Variants in CHL1 observed in about 807,000 individuals in gnomAD.
CHL1 encodes the protein cell adhesion molecule L1 like, also known as neural cell adhesion molecule L1-like protein.
A neutral mutation model predicts 141.9 loss-of-function variants in CHL1; 96 were observed. The ratio of observed to expected loss-of-function variants is 0.68; its 90% CI spans 0.57 to 0.80. The LOEUF is 0.80. CHL1 is among the 30% of genes least tolerant of loss of function. CHL1 has a pLI of 0.00. For missense variants in CHL1, 1,820 were observed against 1,457.2 expected, an observed-to-expected ratio of 1.25 and a Z score of -4.05; for synonymous variants, 613 against 502.2, an observed-to-expected ratio of 1.22 and a Z score of -2.95.
chr3:225,865 C>T (rs1701284441), intron 1 of CHL1, among the ~76,000 whole-genome samples: 1 of 151,828 alleles, frequency 6.6e-6, no homozygotes, highest in Admixed American at 6.6e-5. Context: ...AAAAATTAGC[C>T]AGGTGTGGTG....
intron 2 of CHL1, among the ~76,000 whole-genome samples, chr3:259,373 A>T (rs11920163): frequency 0.055 from 8,304 of 152,092 alleles, 726 homozygotes; most frequent in African/African-American, 0.19. Flanking sequence ...TAGGAATTGC[A>T]GAGAAATACG....
chr3:350,305 G>C (rs1203832440), intron 10 of CHL1, among the ~76,000 whole-genome samples: 1 of 152,140 alleles, frequency 6.6e-6, no homozygotes, highest in Non-Finnish European at 1.5e-5. Flanking sequence ...GTGACTGGCT[G>C]ATGTGAAGTT....
chr3:349,473 A>G lies in CHL1; in HGVS notation c.963A>G (p.Lys321=), dbSNP rs1375418670. 6.2e-7 allele frequency: 1 copy of G among 1,614,108 alleles called. No individual in the cohort carries two copies. The highest frequency in any genetic ancestry group is 8.5e-7 in the Non-Finnish European group (1 of 1,179,958). ...LKIENVSYQD[K]GNYRCTASNF... ...TAGAGAATGTCTCCTACCAGGACAAAGGAAATTATCGCTGCACAGCCAGCA... is the reference window on the plus strand; with the variant it reads ...TAGAGAATGTCTCCTACCAGGACAAGGGAAATTATCGCTGCACAGCCAGCA... Residue 321 remains lysine, a synonymous_variant, in exon 10 of 28, where the codon AAA becomes AAG. Coordinates refer to ENST00000256509, the MANE Select transcript of CHL1 (RefSeq NM_006614.4).
At position 377,302 on chromosome 3, in the gene CHL1, T is replaced by C. The variant is rs1239827344; in HGVS notation, c.1752-516T>C. ...TGCTTCAATTGCTATCTGATCTTAA[T>C]GTGCATTGTACTTGGGAGTGGAGGG... On this transcript the variant is annotated intron_variant, in intron 15 of 27. Coordinates refer to ENST00000256509, the MANE Select transcript of CHL1 (RefSeq NM_006614.4). Among the ~76,000 whole-genome samples, 5 of 152,228 alleles carry C rather than the reference T, an allele frequency of 3.3e-5. No homozygotes were observed. The East Asian group carries it at 7.7e-4, about 23-fold the overall frequency.
chr3:257,314 C>T (rs943397307), intron 2 of CHL1, among the ~76,000 whole-genome samples: 63 of 151,332 alleles, frequency 4.2e-4, no homozygotes, highest in African/African-American at 1.5e-3. Context: ...GATTTTATAA[C>T]TAATTTTTAA....
chr3:230,530 T>C (rs1203421622), intron 1 of CHL1, among the ~76,000 whole-genome samples: 1 of 151,988 alleles, frequency 6.6e-6, no homozygotes, highest in Non-Finnish European at 1.5e-5. Context: ...AGTGATTGGG[T>C]TACAATATTG....
chr3:399,245 T>A, intron 26 of CHL1, 97 bp downstream of exon 26: 1 of 954,354 alleles, frequency 1.0e-6, no homozygotes, highest in South Asian at 1.5e-5. Flanking sequence ...CACATTCAAG[T>A]CAAATTTATA....
intron 2 of CHL1, among the ~76,000 whole-genome samples, chr3:245,726 G>GA (rs1421422834): frequency 6.6e-6 from 1 of 152,132 alleles, no homozygotes; most frequent in African/African-American, 2.4e-5. Context: ...GAAAGAGATA[G>GA]AAAATCTTGG....
chr3:249,387 G>A (rs116510972), intron 2 of CHL1, among the ~76,000 whole-genome samples: 1 of 151,910 alleles, frequency 6.6e-6, no homozygotes, highest in East Asian at 1.9e-4. Flanking sequence ...CTAAAGGAGG[G>A]AAAAAAATCA....
intron 1 of CHL1, among the ~76,000 whole-genome samples, chr3:218,491 A>G (rs1457815527): frequency 6.6e-6 from 1 of 152,168 alleles, no homozygotes; most frequent in Admixed American, 6.5e-5. Context: ...CTCTTTTCCA[A>G]AGAAGGAATC....
In CHL1 at chr3:382,267, C is replaced by G. The variant is rs1238262990; in HGVS notation, c.1965C>G (p.Asn655Lys). The stretch of plus-strand genomic sequence containing the variant: ...CCTGGGAAGCTGGAGCTGACCACAA[C>G]AGCAATATTAGCGGTAGGAAGACTT... The part of the protein sequence containing the change: ...RLTWEAGADH[N>K]SNISEYIVEF... Residue 655 changes from asparagine (N) to lysine (K), a missense_variant, in exon 17 of 28, where the codon AAC (asparagine) becomes AAG (lysine). Asn to Lys is a moderately conservative substitution (Grantham distance 94). Transcript: ENST00000256509. 2 of 1,613,354 alleles carry G rather than the reference C, an allele frequency of 1.2e-6. No individual in the cohort carries two copies. Among genetic ancestry groups the G allele is most frequent in the Non-Finnish European group, 1.7e-6 (2 of 1,179,510 alleles).
chr3:388,017 G>C (rs1016382069), intron 19 of CHL1, among the ~76,000 whole-genome samples: 1 of 152,142 alleles, frequency 6.6e-6, no homozygotes, highest in Non-Finnish European at 1.5e-5. Context: ...AGAACACTAT[G>C]TATGACATTG....
intron 1 of CHL1, chr3:198,081 G>A (rs936504626): frequency 1.0e-5 from 3 of 292,912 alleles, no homozygotes; most frequent in African/African-American, 4.5e-5. Context: ...AGCAGCAGCC[G>A]CGCGGGCCCA....
intron 1 of CHL1, among the ~76,000 whole-genome samples, chr3:217,170 G>C (rs903077559): frequency 4.6e-5 from 7 of 151,872 alleles, no homozygotes; most frequent in Non-Finnish European, 1.0e-4. Context: ...GCTGAAAAAA[G>C]AACAATAACA....
chr3:299,737 T>G (rs1559219357), intron 2 of CHL1, among the ~76,000 whole-genome samples: 1 of 152,152 alleles, frequency 6.6e-6, no homozygotes, highest in African/African-American at 2.4e-5. Context: ...AGCTTGCACA[T>G]TGTTCTCACC....
chr3:324,605 CTTTATTTATTTATTTAT>C (rs1471340288), intron 3 of CHL1, among the ~76,000 whole-genome samples: 3 of 146,020 alleles, frequency 2.1e-5, no homozygotes, highest in African/African-American at 7.5e-5. Flanking sequence ...TCACTTCCTA[CTTTATTTATTTATTTAT>C]TTATTTATTT....
chr3:349,276 A>T (rs1024243178), intron 9 of CHL1, 83 bp from the exon 10 acceptor site: 2 of 1,210,880 alleles, frequency 1.7e-6, no homozygotes, highest in Non-Finnish European at 2.3e-6. Flanking sequence ...AAGCACCCTG[A>T]TAAAGGATGT....
chr3:207,574 T>C lies in CHL1; in HGVS notation c.-175+10511T>C, dbSNP rs146391745. On this transcript the variant is annotated intron_variant, in intron 1 of 27. Coordinates refer to ENST00000256509, the MANE Select transcript of CHL1 (RefSeq NM_006614.4). Reference sequence around the variant, plus strand: ...AACACTGCCCACAAGGGTAAACATATAGGCAATAACAATTTTAACATCTAT... The same window carrying C: ...AACACTGCCCACAAGGGTAAACATACAGGCAATAACAATTTTAACATCTAT... Among the ~76,000 whole-genome samples the C allele has an allele frequency of 1.8e-4, 27 of 152,284 alleles. No individual in the cohort carries two copies. The East Asian group carries it at 4.4e-3, about 25-fold the overall frequency.
intron 1 of CHL1, among the ~76,000 whole-genome samples, chr3:203,784 A>T (rs1035918722): frequency 1.3e-5 from 2 of 152,212 alleles, no homozygotes; most frequent in Non-Finnish European, 2.9e-5. Flanking sequence ...TCAGCAAGGC[A>T]GTAAGACGGC....
Sources: gnomAD v4.1 joint callset for allele counts (sites outside exome capture counted in the v4.1 genomes callset) on GRCh38, gnomAD v4.1.1 for gene constraint, MANE v1.5 for transcripts, NCBI Gene and HGNC (gene_info 2026-07-23, HGNC 2026-07-21) for gene names.